The following TRHDE variants were observed in gnomAD, a reference collection of about 807,000 sequenced individuals.
TRHDE encodes the protein thyrotropin-releasing hormone-degrading ectoenzyme.
A neutral mutation model predicts 125.7 loss-of-function variants in TRHDE; 72 were observed. That is an observed-to-expected ratio of 0.57 (90% CI 0.47 to 0.70). The LOEUF (loss-of-function observed/expected upper bound fraction) is 0.70, where lower values mean the gene tolerates loss of function less well. Among genes scored for constraint, TRHDE ranks in the 30% least tolerant of loss-of-function variants. The pLI is 0.00. For missense variants in TRHDE, 1,110 were observed against 1,327.1 expected (o/e 0.84, Z 2.54); for synonymous variants, 509 against 509.1 (o/e 1.00, Z 0.00).
intron 2 of TRHDE, among the ~76,000 whole-genome samples, chr12:72,314,552 C>CT (rs1359872152): frequency 2.0e-5 from 3 of 152,178 alleles, no homozygotes; most frequent in African/African-American, 7.2e-5. Context: ...CATAAAATTG[C>CT]TACTGTTTCA....
chr12:72,517,908 T>G (rs1878963757), intron 6 of TRHDE, among the ~76,000 whole-genome samples: 1 of 152,194 alleles, frequency 6.6e-6, no homozygotes, highest in Non-Finnish European at 1.5e-5. Flanking sequence ...ATGTACCCAG[T>G]TGTCATTCAG....
intron 18 of TRHDE, among the ~76,000 whole-genome samples, chr12:72,660,007 G>T (rs781334299): frequency 7.9e-5 from 12 of 151,930 alleles, no homozygotes; most frequent in Non-Finnish European, 1.5e-4. Flanking sequence ...ATGGCTGGGC[G>T]TGCTGATGTT....
At chr12:72,569,024 C>T (rs910567632) in intron 10 of TRHDE, among the ~76,000 whole-genome samples, 2 of 151,844 alleles carry the variant, frequency 1.3e-5, no homozygotes, top group African/African-American at 4.8e-5. Flanking sequence ...TTTACACTTT[C>T]CTATCTTCTC....
intron 3 of TRHDE, among the ~76,000 whole-genome samples, chr12:72,434,122 C>G (rs1027259152): frequency 1.3e-5 from 2 of 152,030 alleles, no homozygotes; most frequent in African/African-American, 4.8e-5. Context: ...CAGTGGCTCA[C>G]GCCTATAGTC....
At chr12:72,230,124 A>G (rs1878217794) in intron 2 of TRHDE, among the ~76,000 whole-genome samples, 1 of 152,206 alleles carries the variant, frequency 6.6e-6, no homozygotes, top group Non-Finnish European at 1.5e-5. Context: ...CCATGAGAAC[A>G]AAAGGGCCTT....
chr12:72,315,061 G>T (rs1399730664), intron 2 of TRHDE, among the ~76,000 whole-genome samples: 1 of 152,120 alleles, frequency 6.6e-6, no homozygotes, highest in Non-Finnish European at 1.5e-5. Context: ...CTTACATTAG[G>T]ATGATTTCTT....
At chr12:72,507,748 A>G (rs578185539) in intron 6 of TRHDE, among the ~76,000 whole-genome samples, 116 of 152,364 alleles carry the variant, frequency 7.6e-4, no homozygotes, top group Non-Finnish European at 1.3e-3. Context: ...TCAATAGCCA[A>G]GACAATGGGG....
At chr12:72,134,590 A>G (rs1317550718) in intron 2 of TRHDE, among the ~76,000 whole-genome samples, 1 of 152,002 alleles carries the variant, frequency 6.6e-6, no homozygotes, top group Non-Finnish European at 1.5e-5. Flanking sequence ...TTTTTTCTCA[A>G]AGAGGGTCTT....
At chr12:72,118,013 G>A (rs1366527248) in intron 2 of TRHDE, among the ~76,000 whole-genome samples, 1 of 151,692 alleles carries the variant, frequency 6.6e-6, no homozygotes, top group African/African-American at 2.4e-5. Flanking sequence ...CGTATCATCT[G>A]TAAACGAGGA....
intron 3 of TRHDE, among the ~76,000 whole-genome samples, chr12:72,401,486 C>A (rs1467041225): frequency 6.6e-6 from 1 of 152,140 alleles, no homozygotes; most frequent in Admixed American, 6.5e-5. Flanking sequence ...AGCAACTGAC[C>A]ATTACATCAA....
At chr12:72,487,008 T>C (rs909029832) in intron 5 of TRHDE, among the ~76,000 whole-genome samples, 7 of 151,948 alleles carry the variant, frequency 4.6e-5, no homozygotes, top group African/African-American at 1.7e-4. Context: ...AGTTCAGCTA[T>C]AAATAAAAAA....
At chr12:72,512,542 A>G (rs1182927574) in intron 6 of TRHDE, among the ~76,000 whole-genome samples, 16 of 138,456 alleles carry the variant, frequency 1.2e-4, no homozygotes, top group Non-Finnish European at 1.9e-4. Context: ...GATTATATAT[A>G]TTCATATATA....
At chr12:72,552,699 G>A (rs1448846098) in intron 7 of TRHDE, among the ~76,000 whole-genome samples, 1 of 152,148 alleles carries the variant, frequency 6.6e-6, no homozygotes, top group African/African-American at 2.4e-5. Flanking sequence ...TGATTTCAGT[G>A]GAGTAGGTTA....
chr12:72,492,730 T>C (rs1202365089), intron 5 of TRHDE, among the ~76,000 whole-genome samples: 4 of 151,928 alleles, frequency 2.6e-5, no homozygotes, highest in Non-Finnish European at 5.9e-5. Context: ...TAATAATTCA[T>C]GTGGTATTTT....
chr12:72,609,259 T>C (rs936989802), intron 12 of TRHDE, among the ~76,000 whole-genome samples: 1 of 152,230 alleles, frequency 6.6e-6, no homozygotes, highest in African/African-American at 2.4e-5. Context: ...AAAAGCATTA[T>C]GTACAAGGAT....
intron 2 of TRHDE, among the ~76,000 whole-genome samples, chr12:72,167,194 C>G (rs1192225690): frequency 6.6e-6 from 1 of 152,060 alleles, no homozygotes; most frequent in African/African-American, 2.4e-5. Context: ...AGTGTTGGCT[C>G]AATAGGCTAA....
chr12:72,218,493 G>A lies in TRHDE; in HGVS notation n.279+112741G>A, dbSNP rs147856031. Among the ~76,000 whole-genome samples, 589 of 151,866 alleles carry A rather than the reference G, an allele frequency of 3.9e-3. 5 individuals are homozygous for A. The highest frequency in any genetic ancestry group is 0.014 in the African/African-American group (564 of 41,412). ...ATAACCCCATGTATTAGTTTCTTAA[G>A]GTTGCTGTAATAAATTACTACTAAC... On this transcript the variant is annotated intron_variant and non_coding_transcript_variant, in intron 2 of 4. Coordinates refer to the TRHDE transcript ENST00000548156.
chr12:72,389,602 A>G (rs1331867848), intron 3 of TRHDE, among the ~76,000 whole-genome samples: 2 of 152,168 alleles, frequency 1.3e-5, no homozygotes, highest in Admixed American at 6.5e-5. Flanking sequence ...GTGTTCTCGC[A>G]TGACAAAGAA....
At chr12:72,437,047 G>T (rs1874779495) in intron 3 of TRHDE, among the ~76,000 whole-genome samples, 1 of 151,752 alleles carries the variant, frequency 6.6e-6, no homozygotes, top group Admixed American at 6.6e-5. Context: ...AGGGAGGCAG[G>T]AATACAAGCC....
Sources: gnomAD v4.1 joint callset for allele counts (sites outside exome capture counted in the v4.1 genomes callset) on GRCh38, gnomAD v4.1.1 for gene constraint, MANE v1.5 for transcripts, NCBI Gene and HGNC (gene_info 2026-07-23, HGNC 2026-07-21) for gene names.